ERGIC1: variants seen among roughly 807,000 people sequenced by gnomAD.
ERGIC1 encodes endoplasmic reticulum-golgi intermediate compartment 1.
In ERGIC1, 19 loss-of-function variants were observed where a neutral mutation model predicts 38.3. The observed-to-expected ratio is 0.50, with a 90% CI of 0.35 to 0.73. ERGIC1 has a LOEUF of 0.73. Ranked by LOEUF, ERGIC1 falls within the 30% of genes least tolerant of loss-of-function variation. The pLI is 0.01. For synonymous variants in ERGIC1, 124 were observed against 157.6 expected (o/e 0.79, Z 1.60); for missense variants, 294 against 389.2 (o/e 0.76, Z 2.06).
At chr5:172,893,893 A>ATGTGTG (rs1454635586) in intron 2 of ERGIC1, among the ~76,000 whole-genome samples, 3 of 19,760 alleles carry the variant, frequency 1.5e-4, no homozygotes, top group African/African-American at 3.3e-4. Flanking sequence ...ATATATATAT[A>ATGTGTG]TATATATATA....
chr5:172,873,772 G>A (rs762123687), intron 1 of ERGIC1, among the ~76,000 whole-genome samples: 1 of 152,218 alleles, frequency 6.6e-6, no homozygotes, highest in Non-Finnish European at 1.5e-5. Flanking sequence ...AACCTCAGGA[G>A]TAGTAGGGAA....
intron 1 of ERGIC1, among the ~76,000 whole-genome samples, chr5:172,863,876 T>TAAA (rs1469240872): frequency 6.6e-6 from 1 of 152,166 alleles, no homozygotes; most frequent in South Asian, 2.1e-4. Flanking sequence ...AATACATTTA[T>TAAA]ATCACAACCC....
chr5:172,913,737 C>T (rs1581569049), intron 4 of ERGIC1, among the ~76,000 whole-genome samples: 2 of 152,208 alleles, frequency 1.3e-5, no homozygotes, highest in Non-Finnish European at 2.9e-5. Context: ...TTGGCATTGG[C>T]CTGCCCATTT....
chr5:172,915,635 C>T (rs933783236), intron 5 of ERGIC1: 24 of 471,012 alleles, frequency 5.1e-5, no homozygotes, highest in African/African-American at 4.4e-4. Flanking sequence ...CCTCGAAGCT[C>T]GGTACTGTCA....
intron 9 of ERGIC1, chr5:172,937,325 A>C (rs1219721521): frequency 6.6e-6 from 1 of 152,200 alleles, no homozygotes; most frequent in Non-Finnish European, 1.5e-5. Flanking sequence ...TTGGCAGTGA[A>C]AAGATGCCCA....
chr5:172,934,981 G>A, intron 8 of ERGIC1: 1 of 622,384 alleles, frequency 1.6e-6, no homozygotes, highest in Non-Finnish European at 2.8e-6. Flanking sequence ...AAACAACCAA[G>A]GGTATCAAAA....
chr5:172,915,072 C>T (rs1763326384), intron 5 of ERGIC1: 1 of 725,106 alleles, frequency 1.4e-6, no homozygotes, highest in Non-Finnish European at 2.5e-6. Flanking sequence ...ACTCTTCTCT[C>T]CAGTGAGGGG....
At chr5:172,914,539 C>A in intron 4 of ERGIC1, 175 bp from the exon 5 acceptor site, 1 of 1,035,896 alleles carries the variant, frequency 9.7e-7, no homozygotes, top group Non-Finnish European at 1.4e-6. Context: ...TCACGTTTAG[C>A]GGAGTCATTG....
At chr5:172,835,332 G>A (rs965603473) in intron 1 of ERGIC1, among the ~76,000 whole-genome samples, 6 of 152,296 alleles carry the variant, frequency 3.9e-5, no homozygotes, top group African/African-American at 1.4e-4. Context: ...CTAGAAGTTA[G>A]GGGCAAAGGC....
At chr5:172,870,534 A>C (rs1761977315) in intron 1 of ERGIC1, among the ~76,000 whole-genome samples, 1 of 152,222 alleles carries the variant, frequency 6.6e-6, no homozygotes, top group African/African-American at 2.4e-5. Context: ...TGGGATGCTG[A>C]CGTTTCCTGG....
At chr5:172,945,219 A>C (rs1462837029) in intron 9 of ERGIC1, among the ~76,000 whole-genome samples, 2 of 152,224 alleles carry the variant, frequency 1.3e-5, no homozygotes, top group African/African-American at 4.8e-5. Context: ...GCTTTGCCCC[A>C]CAAGGATGTT....
At chr5:172,931,911 T>C (rs536278539) in intron 7 of ERGIC1, among the ~76,000 whole-genome samples, 385 of 144,030 alleles carry the variant, frequency 2.7e-3, no homozygotes, top group Non-Finnish European at 4.1e-3. Flanking sequence ...CAGGCTGGAG[T>C]GCAGTGGCAT....
chr5:172,861,055 G>C (rs1201680005), intron 1 of ERGIC1, among the ~76,000 whole-genome samples: 1 of 152,198 alleles, frequency 6.6e-6, no homozygotes, highest in Non-Finnish European at 1.5e-5. Context: ...AACAAGCTGA[G>C]TCCTGCCCCA....
intron 4 of ERGIC1, among the ~76,000 whole-genome samples, chr5:172,913,157 C>T (rs1421233176): frequency 6.6e-6 from 1 of 152,238 alleles, no homozygotes; most frequent in Non-Finnish European, 1.5e-5. Flanking sequence ...GAGGTCTCAG[C>T]GCTAGTAACT....
At chr5:172,879,899 T>A (rs912687122) in intron 1 of ERGIC1, among the ~76,000 whole-genome samples, 1 of 152,212 alleles carries the variant, frequency 6.6e-6, no homozygotes, top group Non-Finnish European at 1.5e-5. Flanking sequence ...ACCTATGAGA[T>A]GTCAGTAGCA....
intron 1 of ERGIC1, among the ~76,000 whole-genome samples, chr5:172,881,850 T>TA (rs1470878467): frequency 6.6e-6 from 1 of 152,236 alleles, no homozygotes; most frequent in Non-Finnish European, 1.5e-5. Context: ...TCTGTGGCCC[T>TA]AGTATATAGC....
chr5:172,937,038 A>T (rs1336357296), intron 9 of ERGIC1: 1 of 152,088 alleles, frequency 6.6e-6, no homozygotes, highest in Admixed American at 6.6e-5. Context: ...AGAGAGATAC[A>T]AAGGGTGTCA....
intron 4 of ERGIC1, among the ~76,000 whole-genome samples, chr5:172,913,045 C>T (rs771003477): frequency 3.7e-5 from 5 of 134,378 alleles, no homozygotes; most frequent in African/African-American, 1.2e-4. Context: ...CTGCGATTAC[C>T]GGCGTGAGCC....
chr5:172,845,714 A>G (rs1158031437), intron 1 of ERGIC1, among the ~76,000 whole-genome samples: 1 of 152,222 alleles, frequency 6.6e-6, no homozygotes, highest in Non-Finnish European at 1.5e-5. Flanking sequence ...GCTAGTACAG[A>G]CACCCTACAT....
Sources: allele counts gnomAD v4.1 joint callset (sites outside exome capture counted in the v4.1 genomes callset), GRCh38; gene constraint gnomAD v4.1.1; transcripts MANE v1.5; gene names NCBI Gene and HGNC (gene_info 2026-07-23, HGNC 2026-07-21).